Variants in SPECC1L observed in about 807,000 individuals in gnomAD.
The protein encoded by SPECC1L is cytospin-A.
Under a neutral mutation model 116.8 loss-of-function variants are expected in SPECC1L, and 40 were observed. The ratio of observed to expected loss-of-function variants is 0.34; its 90% CI spans 0.27 to 0.45. SPECC1L has a LOEUF of 0.45. Among genes scored for constraint, SPECC1L ranks in the 20% least tolerant of loss-of-function variants. The pLI is 1.00. For synonymous variants in SPECC1L, 504 were observed against 500.6 expected (o/e 1.01, Z -0.09); for missense variants, 1,110 against 1,373.6 (o/e 0.81, Z 3.03).
Position 24,328,877 on chromosome 22 carries a change from C to T in SPECC1L, c.2178C>T (p.His726=), listed in dbSNP as rs143769364. The change falls in exon 7 of 17, where the codon CAC becomes CAT. Residue 726 remains histidine, a synonymous_variant. Transcript: ENST00000314328. ...NTVKKLQDQK[H]DMEREIKTLH... is the part of the protein sequence containing the mutation. ...TTAAAAAACTCCAGGACCAAAAGCA[C>T]GACATGGAAAGAGAAATAAAGACAC... is the stretch of plus-strand genomic sequence containing the variant. 2.9e-4 allele frequency: 466 copies of T among 1,613,386 alleles called. No individual in the cohort carries two copies. Among genetic ancestry groups the T allele is most frequent in the Non-Finnish European group, 3.7e-4 (431 of 1,179,648 alleles).
chr22:24,317,591 G>A (rs2040616273), intron 4 of SPECC1L, among the ~76,000 whole-genome samples: 1 of 149,360 alleles, frequency 6.7e-6, no homozygotes, highest in African/African-American at 2.5e-5. Context: ...CCCGGACGGG[G>A]CGGCTGGCCG....
chr22:24,391,171 G>T (rs1038168058), intron 14 of SPECC1L, among the ~76,000 whole-genome samples: 1 of 151,830 alleles, frequency 6.6e-6, no homozygotes, highest in African/African-American at 2.4e-5. Context: ...CACTGCGCCC[G>T]GCCGGGCCTG....
At chr22:24,306,240 T>C (rs1391771375) in intron 3 of SPECC1L, among the ~76,000 whole-genome samples, 1 of 152,106 alleles carries the variant, frequency 6.6e-6, no homozygotes, top group East Asian at 1.9e-4. Flanking sequence ...AGTGGACATT[T>C]AGACCCTCTT....
At chr22:24,362,307 C>T (rs2041661624) in intron 11 of SPECC1L, among the ~76,000 whole-genome samples, 1 of 152,122 alleles carries the variant, frequency 6.6e-6, no homozygotes, top group Admixed American at 6.6e-5. Flanking sequence ...GAAGGGTGAT[C>T]AGGTTAGCCA....
chr22:24,326,459 C>A lies in SPECC1L; in HGVS notation c.2146+2032C>A, dbSNP rs534036844. 3.8e-4 allele frequency among the ~76,000 whole-genome samples: 58 copies of A among 152,256 alleles called. 3 individuals carry two copies. The South Asian group carries it at 0.012, about 30-fold the overall frequency. On this transcript the variant is annotated intron_variant, in intron 6 of 16. Coordinates refer to ENST00000314328, the MANE Select transcript of SPECC1L (RefSeq NM_015330.6). The stretch of plus-strand genomic sequence containing the variant: ...GAGATAAGGATCAGGGCATTAGACT[C>A]GTCTACTCAGCTTGGTGTCTGCTTT...
At chr22:24,287,812 T>C (rs547365790) in intron 2 of SPECC1L, among the ~76,000 whole-genome samples, 1 of 152,118 alleles carries the variant, frequency 6.6e-6, no homozygotes, top group African/African-American at 2.4e-5. Flanking sequence ...TGGAATATAA[T>C]GGGCCCTCGG....
intron 3 of SPECC1L, among the ~76,000 whole-genome samples, chr22:24,310,923 C>T (rs779104706): frequency 1.3e-5 from 2 of 151,986 alleles, no homozygotes; most frequent in Non-Finnish European, 2.9e-5. Context: ...AGTTAGAAAA[C>T]GTTGGACTTT....
intron 14 of SPECC1L, among the ~76,000 whole-genome samples, chr22:24,371,990 G>C (rs923020475): frequency 8.5e-5 from 13 of 152,122 alleles, no homozygotes; most frequent in South Asian, 2.1e-4. Flanking sequence ...GAAACTGCTG[G>C]GATTACAAGC....
At chr22:24,344,027 C>T (rs936640293) in intron 10 of SPECC1L, among the ~76,000 whole-genome samples, 1 of 152,094 alleles carries the variant, frequency 6.6e-6, no homozygotes, top group East Asian at 1.9e-4. Context: ...TGAATTGAAT[C>T]AATCCTTTGT....
chr22:24,282,011 G>C (rs2048953048), intron 2 of SPECC1L, among the ~76,000 whole-genome samples: 1 of 152,236 alleles, frequency 6.6e-6, no homozygotes. Context: ...AGGACAGCTT[G>C]GTAGGTGGGG....
chr22:24,273,790 C>T (rs1366070331), intron 1 of SPECC1L, among the ~76,000 whole-genome samples: 1 of 152,154 alleles, frequency 6.6e-6, no homozygotes, highest in Non-Finnish European at 1.5e-5. Context: ...GACAGTTTCG[C>T]TCTTGTTGCC....
chr22:24,280,608 C>T, intron 2 of SPECC1L, among the ~76,000 whole-genome samples: 1 of 132,124 alleles, frequency 7.6e-6, no homozygotes. Flanking sequence ...GAGACAGTGT[C>T]ACTCTGTTGC....
intron 2 of SPECC1L, among the ~76,000 whole-genome samples, chr22:24,295,898 A>G (rs2049251635): frequency 1.3e-5 from 2 of 152,206 alleles, no homozygotes; most frequent in African/African-American, 4.8e-5. Context: ...CAGTGAGCCA[A>G]GGTCGTGCCG....
At chr22:24,333,269 C>G (rs1004161332) in intron 8 of SPECC1L, among the ~76,000 whole-genome samples, 3 of 152,052 alleles carry the variant, frequency 2.0e-5, no homozygotes, top group African/African-American at 7.2e-5. Flanking sequence ...AGCTAAATGA[C>G]CTTAAGAGCC....
chr22:24,285,637 T>TTG (rs55657981), intron 2 of SPECC1L, among the ~76,000 whole-genome samples: 2,131 of 151,804 alleles, frequency 0.014, 56 homozygotes, highest in African/African-American at 0.049. Flanking sequence ...TGTTTTTTTT[T>TTG]TTGTTGTTTT....
intron 10 of SPECC1L, among the ~76,000 whole-genome samples, chr22:24,345,603 A>G (rs2041275563): frequency 6.6e-6 from 1 of 152,016 alleles, no homozygotes; most frequent in Admixed American, 6.5e-5. Flanking sequence ...ATGGGCTAAG[A>G]TTTGAGAAGA....
chr22:24,327,969 G>A (rs936810941), intron 6 of SPECC1L, among the ~76,000 whole-genome samples: 15 of 152,330 alleles, frequency 9.8e-5, no homozygotes, highest in African/African-American at 3.6e-4. Flanking sequence ...CACCAGTTGT[G>A]TAAGTACCCT....
intron 14 of SPECC1L, among the ~76,000 whole-genome samples, chr22:24,407,264 G>T (rs982505952): frequency 6.6e-6 from 1 of 152,248 alleles, no homozygotes; most frequent in Non-Finnish European, 1.5e-5. Context: ...AACTGAAGAA[G>T]CCATTGTTTT....
At chr22:24,377,781 G>A (rs1408626863) in intron 14 of SPECC1L, among the ~76,000 whole-genome samples, 1 of 152,214 alleles carries the variant, frequency 6.6e-6, no homozygotes, top group Non-Finnish European at 1.5e-5. Context: ...GAAAGGAACA[G>A]TGGGCTTAAA....
Sources: gnomAD v4.1 joint callset for allele counts (sites outside exome capture counted in the v4.1 genomes callset) on GRCh38, gnomAD v4.1.1 for gene constraint, MANE v1.5 for transcripts, NCBI Gene and HGNC (gene_info 2026-07-23, HGNC 2026-07-21) for gene names.